SUGP1: variants seen among roughly 807,000 people sequenced by gnomAD.
SUGP1 encodes SURP and G-patch domain-containing protein 1.
A neutral mutation model predicts 76.5 loss-of-function variants in SUGP1; 34 were observed. That is an observed-to-expected ratio of 0.44 (90% CI 0.34 to 0.59). The LOEUF is 0.59. Ranked by LOEUF, SUGP1 falls within the 20% of genes least tolerant of loss-of-function variation. SUGP1 has a pLI of 0.01. For synonymous variants in SUGP1, 326 were observed against 326.2 expected (o/e 1.00, Z 0.01); for missense variants, 752 against 851.7 (o/e 0.88, Z 1.46).
intron 7 of SUGP1, 116 bp from the exon 8 acceptor site, chr19:19,297,460 C>T: frequency 1.4e-6 from 1 of 698,946 alleles, no homozygotes; most frequent in Non-Finnish European, 2.2e-6. Flanking sequence ...ACTATATGGT[C>T]ATGTCATAGT....
chr19:19,278,844 G>T, intron 10 of SUGP1, 48 bp from the exon 11 acceptor site: 1 of 1,573,300 alleles, frequency 6.4e-7, no homozygotes, highest in East Asian at 2.4e-5. Context: ...CAGGAAGGAG[G>T]GGAGCAGGCC....
At chr19:19,295,698 G>A (rs965586235) in intron 8 of SUGP1, among the ~76,000 whole-genome samples, 8 of 150,502 alleles carry the variant, frequency 5.3e-5, no homozygotes, top group South Asian at 4.2e-4. Flanking sequence ...GCAACAGAGC[G>A]AAACTCTGTC....
intron 9 of SUGP1, 94 bp from the exon 10 acceptor site, chr19:19,279,484 G>T: frequency 7.9e-6 from 11 of 1,392,446 alleles, no homozygotes; most frequent in South Asian, 2.8e-5. Context: ...GGCATCCCCC[G>T]CCGGAACGTG....
chr19:19,295,286 G>A (rs1353158401), intron 8 of SUGP1, among the ~76,000 whole-genome samples: 1 of 152,056 alleles, frequency 6.6e-6, no homozygotes, highest in African/African-American at 2.4e-5. Flanking sequence ...ATACTCAGGA[G>A]GCTAAGGCAG....
At chr19:19,277,157 G>A in intron 12 of SUGP1, 81 bp from the exon 13 acceptor site, 1 of 1,385,874 alleles carries the variant, frequency 7.2e-7, no homozygotes, top group Non-Finnish European at 9.6e-7. Flanking sequence ...GCTCTCAACA[G>A]CACCTCCCGC....
chr19:19,305,591 G>A (rs1033412773), intron 4 of SUGP1: 4 of 401,554 alleles, frequency 1.0e-5, no homozygotes, highest in South Asian at 4.7e-5. Context: ...GGGATGAGCC[G>A]CTGTGTGAGT....
At chr19:19,311,713 C>G (rs1485962481) in intron 2 of SUGP1, among the ~76,000 whole-genome samples, 2 of 123,458 alleles carry the variant, frequency 1.6e-5, no homozygotes, top group African/African-American at 6.5e-5. Flanking sequence ...GGCGACAGAG[C>G]GAGACTCTGT....
chr19:19,286,253 A>G (rs1435410423), intron 8 of SUGP1, among the ~76,000 whole-genome samples: 2 of 152,222 alleles, frequency 1.3e-5, no homozygotes, highest in Admixed American at 1.3e-4. Context: ...AAAGTGGTCT[A>G]CTGCATCCAA....
chr19:19,296,806 A>T (rs1190579144), intron 8 of SUGP1, among the ~76,000 whole-genome samples, 183 bp downstream of exon 8: 1 of 152,240 alleles, frequency 6.6e-6, no homozygotes, highest in Admixed American at 6.5e-5. Flanking sequence ...CTCTGTGAAT[A>T]TAAGAGTTCA....
intron 8 of SUGP1, among the ~76,000 whole-genome samples, chr19:19,287,262 C>T (rs1027738611): frequency 6.6e-6 from 1 of 151,822 alleles, no homozygotes; most frequent in Admixed American, 6.6e-5. Flanking sequence ...CAGAGTGATA[C>T]CGTGTCTCAA....
At chr19:19,276,834 G>A (rs2061053424) in intron 13 of SUGP1, 113 bp downstream of exon 13, 1 of 1,553,204 alleles carries the variant, frequency 6.4e-7, no homozygotes, top group South Asian at 1.2e-5. Flanking sequence ...GGTGGTAGGG[G>A]GCTCGCTGGT....
At chr19:19,279,177 C>A in intron 10 of SUGP1, 36 bp downstream of exon 10, 1 of 1,533,782 alleles carries the variant, frequency 6.5e-7, no homozygotes, top group Non-Finnish European at 8.8e-7. Context: ...GGGGCCATGC[C>A]CAGCCCAGCC....
chr19:19,282,903 C>A (rs1421667569), intron 8 of SUGP1, among the ~76,000 whole-genome samples: 1 of 152,080 alleles, frequency 6.6e-6, no homozygotes, highest in Non-Finnish European at 1.5e-5. Flanking sequence ...CGGTGAAACC[C>A]CGTCTCTACT....
At chr19:19,290,536 C>T (rs1163162092) in intron 8 of SUGP1, among the ~76,000 whole-genome samples, 2 of 151,678 alleles carry the variant, frequency 1.3e-5, no homozygotes, top group Non-Finnish European at 2.9e-5. Context: ...CCCAGCTACT[C>T]GGGAGGCTGA....
At chr19:19,306,121 C>T (rs2061316353) in intron 3 of SUGP1, 45 bp from the exon 4 acceptor site, 1 of 1,466,898 alleles carries the variant, frequency 6.8e-7, no homozygotes, top group African/African-American at 1.4e-5. Flanking sequence ...CTGCAGGGCA[C>T]CTCTCCCGGC....
intron 3 of SUGP1, among the ~76,000 whole-genome samples, chr19:19,307,201 G>A (rs777101822): frequency 1.3e-5 from 2 of 151,872 alleles, no homozygotes; most frequent in African/African-American, 2.4e-5. Context: ...ACAGGTGCAC[G>A]ACACCATGTC....
chr19:19,289,306 A>G (rs1191205922), intron 8 of SUGP1, among the ~76,000 whole-genome samples: 1 of 151,788 alleles, frequency 6.6e-6, no homozygotes, highest in Non-Finnish European at 1.5e-5. Flanking sequence ...ACTGACCAAA[A>G]TGGTGTCATA....
intron 8 of SUGP1, 61 bp downstream of exon 8, chr19:19,296,928 T>A: frequency 7.3e-7 from 1 of 1,361,884 alleles, no homozygotes; most frequent in Non-Finnish European, 9.9e-7. Context: ...CTTGAAGACA[T>A]TATGCTCAGT....
chr19:19,308,154 C>G lies in SUGP1; in HGVS notation c.310+1943G>C, dbSNP rs375689421. Among the ~76,000 whole-genome samples, 43 of 152,274 alleles carry G rather than the reference C, an allele frequency of 2.8e-4. 1 individual carries two copies. The South Asian group carries it at 6.2e-3, about 22-fold the overall frequency. Reference sequence around the variant, plus strand: ...AAAGTGATCCACCCATCTCAGCCCCCCCATTAGTTGGGGTTAAAGTTATGC... The same window carrying G: ...AAAGTGATCCACCCATCTCAGCCCCGCCATTAGTTGGGGTTAAAGTTATGC... On this transcript the variant is annotated intron_variant, in intron 3 of 13. Coordinates refer to ENST00000247001, the MANE Select transcript of SUGP1 (RefSeq NM_172231.4).
Sources: allele counts gnomAD v4.1 joint callset (sites outside exome capture counted in the v4.1 genomes callset), GRCh38; gene constraint gnomAD v4.1.1; transcripts MANE v1.5; gene names NCBI Gene and HGNC (gene_info 2026-07-23, HGNC 2026-07-21).